The following DLG2 variants were observed in gnomAD, a reference collection of about 807,000 sequenced individuals.
The protein encoded by DLG2 is disks large homolog 2.
DLG2 carries 45 observed loss-of-function variants against 132.5 expected under a neutral mutation model. That is an observed-to-expected ratio of 0.34 (90% CI 0.27 to 0.44). The LOEUF (loss-of-function observed/expected upper bound fraction) is 0.44. DLG2 is among the 20% of genes least tolerant of loss of function. DLG2 has a pLI of 1.00. For synonymous variants in DLG2, 424 were observed against 419.6 expected (o/e 1.01, Z -0.13); for missense variants, 1,045 against 1,196.9 (o/e 0.87, Z 1.87).
intron 7 of DLG2, among the ~76,000 whole-genome samples, chr11:84,323,674 C>T (rs1419379197): frequency 6.6e-6 from 1 of 150,814 alleles, no homozygotes; most frequent in East Asian, 1.9e-4. Context: ...ACAGGACTTC[C>T]AATTTCTCCA....
At chr11:85,253,689 C>T (rs2076516872) in intron 4 of DLG2, among the ~76,000 whole-genome samples, 1 of 152,136 alleles carries the variant, frequency 6.6e-6, no homozygotes, top group African/African-American at 2.4e-5. Flanking sequence ...TTTGCACCCA[C>T]ACTCATGGCA....
At chr11:85,060,500 T>C (rs954578607) in intron 6 of DLG2, among the ~76,000 whole-genome samples, 7 of 151,024 alleles carry the variant, frequency 4.6e-5, no homozygotes, top group African/African-American at 1.7e-4. Context: ...TACACGCATA[T>C]GTATATGTGT....
chr11:83,776,637 T>C (rs1228355925), intron 18 of DLG2, among the ~76,000 whole-genome samples: 1 of 152,220 alleles, frequency 6.6e-6, no homozygotes, highest in Non-Finnish European at 1.5e-5. Flanking sequence ...GTGTGATCTG[T>C]CTCTGCTTCT....
intron 3 of DLG2, among the ~76,000 whole-genome samples, chr11:85,346,913 C>T (rs1198439780): frequency 6.6e-6 from 1 of 151,890 alleles, no homozygotes; most frequent in Non-Finnish European, 1.5e-5. Context: ...GGGTTGTAGG[C>T]AAAAGGACAC....
At chr11:83,826,262 C>CT (rs2052745237) in intron 17 of DLG2, among the ~76,000 whole-genome samples, 1 of 152,228 alleles carries the variant, frequency 6.6e-6, no homozygotes, top group African/African-American at 2.4e-5. Context: ...TACCCACACT[C>CT]TGGTGGCTGG....
chr11:84,627,853 A>C (rs550634169), intron 6 of DLG2, among the ~76,000 whole-genome samples: 2 of 152,202 alleles, frequency 1.3e-5, no homozygotes, highest in East Asian at 1.9e-4. Context: ...CACAGACTCA[A>C]ACAACCAGAT....
At chr11:84,697,922 G>A (rs540620627) in intron 6 of DLG2, among the ~76,000 whole-genome samples, 1 of 151,444 alleles carries the variant, frequency 6.6e-6, no homozygotes, top group South Asian at 2.1e-4. Context: ...AAAAAGTAAT[G>A]TGTTTAGTCA....
chr11:84,812,314 A>G (rs36004097), intron 6 of DLG2, among the ~76,000 whole-genome samples: 2,765 of 152,292 alleles, frequency 0.018, 59 homozygotes, highest in Non-Finnish European at 0.024. Context: ...ACTCACAAAC[A>G]TACTTGCACC....
rs114907211 is a variant in DLG2, at chr11:84,681,071, T to C, written c.358-146340A>G. ...TAGAACAGCACTGCATATCAAATTATATGACTTCATTGAAATGAGTTCTTT... is the reference window on the plus strand; with the variant it reads ...TAGAACAGCACTGCATATCAAATTACATGACTTCATTGAAATGAGTTCTTT... On this transcript the variant is annotated intron_variant, in intron 6 of 27. Transcript: ENST00000376104. 7.2e-3 allele frequency among the ~76,000 whole-genome samples: 1,104 copies of C among 152,336 alleles called. 18 individuals are homozygous for C. The highest frequency in any genetic ancestry group is 0.024 in the African/African-American group (1,007 of 41,596).
At chr11:85,592,719 G>C (rs1263848856) in intron 3 of DLG2, among the ~76,000 whole-genome samples, 1 of 152,168 alleles carries the variant, frequency 6.6e-6, no homozygotes, top group Admixed American at 6.6e-5. Context: ...GGAATGCCAA[G>C]GTGGGAGAAT....
At chr11:85,121,885 T>C (rs1293354345) in intron 5 of DLG2, among the ~76,000 whole-genome samples, 1 of 152,180 alleles carries the variant, frequency 6.6e-6, no homozygotes, top group Non-Finnish European at 1.5e-5. Context: ...CTAAAACATT[T>C]GTGTATATGT....
intron 7 of DLG2, among the ~76,000 whole-genome samples, chr11:84,388,217 A>G (rs1017439022): frequency 3.5e-4 from 54 of 152,188 alleles, no homozygotes; most frequent in Admixed American, 6.5e-4. Flanking sequence ...AAGTACCATA[A>G]GTAGAGGGCG....
rs956926756 is a variant in DLG2 at position 84,097,985 on chromosome 11, T to A, written c.749+938A>T. On this transcript the variant is annotated intron_variant, in intron 10 of 27. Transcript: ENST00000376104. ...TCAAGCAGCTACTACTCTCTATCACTGAGAAGTACCTGGCTGCACTCCCTC... is the reference window on the plus strand; with the variant it reads ...TCAAGCAGCTACTACTCTCTATCACAGAGAAGTACCTGGCTGCACTCCCTC... Among the ~76,000 whole-genome samples, 13 of 150,720 alleles carry A rather than the reference T, an allele frequency of 8.6e-5. 1 individual carries two copies. In the South Asian group the frequency reaches 2.7e-3, roughly 32 times the overall value.
intron 4 of DLG2, among the ~76,000 whole-genome samples, chr11:85,241,328 T>C (rs1202019879): frequency 1.3e-5 from 2 of 151,874 alleles, no homozygotes; most frequent in African/African-American, 4.8e-5. Flanking sequence ...TCATATCATC[T>C]ACCAAAAATG....
chr11:84,140,826 A>C (rs2094811291), intron 9 of DLG2, among the ~76,000 whole-genome samples: 2 of 152,150 alleles, frequency 1.3e-5, no homozygotes, highest in African/African-American at 4.8e-5. Context: ...ATCTGACTAT[A>C]TCATGACTAG....
chr11:84,167,984 A>G (rs1379189240), intron 8 of DLG2, among the ~76,000 whole-genome samples: 1 of 152,234 alleles, frequency 6.6e-6, no homozygotes, highest in Non-Finnish European at 1.5e-5. Flanking sequence ...ATAAATTTTT[A>G]TATATCTCTG....
chr11:83,683,503 C>T (rs893615469), intron 18 of DLG2, among the ~76,000 whole-genome samples: 9 of 152,164 alleles, frequency 5.9e-5, no homozygotes, highest in African/African-American at 1.9e-4. Flanking sequence ...GACTGATTTA[C>T]TATGGCCTTT....
chr11:84,849,717 G>A (rs2081954835), intron 6 of DLG2, among the ~76,000 whole-genome samples: 1 of 151,960 alleles, frequency 6.6e-6, no homozygotes, highest in Non-Finnish European at 1.5e-5. Flanking sequence ...CATTTTCTAA[G>A]GCATTTCTTT....
intron 3 of DLG2, among the ~76,000 whole-genome samples, chr11:85,343,552 C>T (rs1426653356): frequency 1.3e-5 from 2 of 152,008 alleles, no homozygotes; most frequent in Non-Finnish European, 2.9e-5. Context: ...GCTAAAGTTA[C>T]CAGCAAGCCT....
Sources: gnomAD v4.1 joint callset for allele counts (sites outside exome capture counted in the v4.1 genomes callset) on GRCh38, gnomAD v4.1.1 for gene constraint, MANE v1.5 for transcripts, NCBI Gene and HGNC (gene_info 2026-07-23, HGNC 2026-07-21) for gene names.